KCNIP4: variants seen among roughly 807,000 people sequenced by gnomAD.
KCNIP4 encodes Kv channel-interacting protein 4.
Under a neutral mutation model 34.0 loss-of-function variants are expected in KCNIP4, and 12 were observed. That is an observed-to-expected ratio of 0.35 (90% CI 0.23 to 0.57). The LOEUF is 0.57. KCNIP4 is among the 20% of genes least tolerant of loss of function. The pLI, the probability that KCNIP4 is intolerant of heterozygous loss-of-function variation, is 0.83. For synonymous variants in KCNIP4, 124 were observed against 102.2 expected (o/e 1.21, Z -1.29); for missense variants, 238 against 311.7 (o/e 0.76, Z 1.78).
At chr4:20,769,662 G>T (rs1369820202) in intron 3 of KCNIP4, among the ~76,000 whole-genome samples, 1 of 152,148 alleles carries the variant, frequency 6.6e-6, no homozygotes, top group Non-Finnish European at 1.5e-5. Flanking sequence ...GTCTGACATG[G>T]CTTAGCTGTG....
At chr4:21,227,566 A>G (rs993294954) in intron 1 of KCNIP4, among the ~76,000 whole-genome samples, 1 of 152,086 alleles carries the variant, frequency 6.6e-6, no homozygotes, top group Non-Finnish European at 1.5e-5. Flanking sequence ...AATGAGGATT[A>G]CCTCTTGCTG....
chr4:21,051,996 T>C (rs1742975345), intron 1 of KCNIP4, among the ~76,000 whole-genome samples: 1 of 152,190 alleles, frequency 6.6e-6, no homozygotes, highest in Non-Finnish European at 1.5e-5. Flanking sequence ...GTCTTAGATA[T>C]TTCATAAAAT....
chr4:21,308,679 G>C (rs1385072825), intron 1 of KCNIP4, among the ~76,000 whole-genome samples: 1 of 151,520 alleles, frequency 6.6e-6, no homozygotes, highest in Admixed American at 6.6e-5. Context: ...ATTAATGTTA[G>C]ATACAAGAAA....
chr4:21,433,881 C>T (rs570921635), intron 1 of KCNIP4, among the ~76,000 whole-genome samples: 7 of 152,126 alleles, frequency 4.6e-5, no homozygotes, highest in Non-Finnish European at 7.3e-5. Context: ...ATAAATAATA[C>T]AAGACAAATA....
Position 20,734,755 on chromosome 4 carries a change from C to G in KCNIP4, c.430-20G>C. The stretch of plus-strand genomic sequence containing the variant: ...GAAATCCTGAAAAGAAATAAAAATT[C>G]AATTTTATATGACATTTTTAAAAAA... On this transcript the variant is annotated intron_variant, in intron 5 of 8. Coordinates refer to ENST00000382152, the MANE Select transcript of KCNIP4 (RefSeq NM_025221.6). 1.4e-6 allele frequency: 2 copies of G among 1,379,708 alleles called. No individual in the cohort carries two copies. Among genetic ancestry groups the G allele is most frequent in the Non-Finnish European group, 2.0e-6 (2 of 997,610 alleles). 85.5% of individuals were successfully genotyped at this position (1,379,708 alleles called of 1,614,324 possible). A position where few individuals can be genotyped will look rare whatever the true frequency, so the allele number is the denominator to read the frequency against.
At chr4:21,328,445 G>T (rs1715303427) in intron 1 of KCNIP4, among the ~76,000 whole-genome samples, 1 of 152,100 alleles carries the variant, frequency 6.6e-6, no homozygotes, top group African/African-American at 2.4e-5. Context: ...GTGTGCTGAG[G>T]TGCCTGGAGC....
At chr4:21,571,232 G>T (rs970013270) in intron 1 of KCNIP4, among the ~76,000 whole-genome samples, 1 of 152,118 alleles carries the variant, frequency 6.6e-6, no homozygotes, top group African/African-American at 2.4e-5. Flanking sequence ...ATGGTGATGA[G>T]AATTATGGTA....
intron 1 of KCNIP4, among the ~76,000 whole-genome samples, chr4:21,446,044 C>T (rs1233115878): frequency 6.6e-6 from 1 of 152,192 alleles, no homozygotes; most frequent in African/African-American, 2.4e-5. Context: ...CACTGGTCAT[C>T]AGAGAAATGC....
chr4:21,765,494 G>A (rs911896460), intron 1 of KCNIP4, among the ~76,000 whole-genome samples: 1 of 151,952 alleles, frequency 6.6e-6, no homozygotes, highest in South Asian at 2.1e-4. Flanking sequence ...GGGAAAAGTG[G>A]TCAATTTCTG....
At chr4:21,100,243 T>C (rs1747817193) in intron 1 of KCNIP4, among the ~76,000 whole-genome samples, 1 of 152,120 alleles carries the variant, frequency 6.6e-6, no homozygotes, top group Non-Finnish European at 1.5e-5. Flanking sequence ...AATTTCACTG[T>C]GGTTTTAAGA....
chr4:21,738,597 T>C (rs1179589046), intron 1 of KCNIP4, among the ~76,000 whole-genome samples: 1 of 152,226 alleles, frequency 6.6e-6, no homozygotes, highest in East Asian at 1.9e-4. Flanking sequence ...ACATGTGTCC[T>C]GCTTTTCACA....
At chr4:21,662,778 G>A (rs1274709773) in intron 1 of KCNIP4, among the ~76,000 whole-genome samples, 1 of 152,088 alleles carries the variant, frequency 6.6e-6, no homozygotes, top group Non-Finnish European at 1.5e-5. Context: ...CATAAATATT[G>A]TTTTATCAGG....
chr4:21,512,718 G>A (rs1052147993), intron 1 of KCNIP4, among the ~76,000 whole-genome samples: 35 of 152,148 alleles, frequency 2.3e-4, no homozygotes, highest in Admixed American at 2.0e-3. Context: ...TATGTTTGCT[G>A]TAAGATATGC....
At chr4:21,760,679 A>G (rs1717989140) in intron 1 of KCNIP4, among the ~76,000 whole-genome samples, 1 of 152,140 alleles carries the variant, frequency 6.6e-6, no homozygotes, top group African/African-American at 2.4e-5. Context: ...TCAATTACAG[A>G]GGATTAGAAA....
intron 1 of KCNIP4, among the ~76,000 whole-genome samples, chr4:21,786,369 G>C (rs1170222308): frequency 6.6e-6 from 1 of 152,146 alleles, no homozygotes; most frequent in Non-Finnish European, 1.5e-5. Flanking sequence ...ATTCCCACCA[G>C]CAGTGTAGGA....
chr4:21,723,745 A>G (rs1488727807), intron 1 of KCNIP4, among the ~76,000 whole-genome samples: 1 of 152,096 alleles, frequency 6.6e-6, no homozygotes, highest in African/African-American at 2.4e-5. Flanking sequence ...GATCAACTCA[A>G]AAAGGAGAAA....
Position 20,955,544 on chromosome 4 carries a change from C to T in KCNIP4, c.62-72835G>A, listed in dbSNP as rs191757088. On this transcript the variant is annotated intron_variant, in intron 1 of 8. Coordinates refer to ENST00000382152, the MANE Select transcript of KCNIP4 (RefSeq NM_025221.6). ...GTTCTGATTGATGGTGGGGCCACTTCTATCTTGAGCACTCTTTCAACTTGA... is the reference window on the plus strand; with the variant it reads ...GTTCTGATTGATGGTGGGGCCACTTTTATCTTGAGCACTCTTTCAACTTGA... Among the ~76,000 whole-genome samples, 324 of 152,208 alleles carry T rather than the reference C, an allele frequency of 2.1e-3. 3 individuals are homozygous for T. The highest frequency in any genetic ancestry group is 5.4e-3 in the African/African-American group (226 of 41,546).
chr4:21,504,200 G>A (rs1269556374), intron 1 of KCNIP4, among the ~76,000 whole-genome samples: 1 of 152,074 alleles, frequency 6.6e-6, no homozygotes, highest in Non-Finnish European at 1.5e-5. Flanking sequence ...AGGTGCAGTG[G>A]CTCATGCCTG....
At chr4:21,627,903 T>C (rs1305807496) in intron 1 of KCNIP4, among the ~76,000 whole-genome samples, 3 of 152,146 alleles carry the variant, frequency 2.0e-5, no homozygotes, top group African/African-American at 7.2e-5. Flanking sequence ...TAAATGATTC[T>C]TGGGAGGAAA....
Sources: gnomAD v4.1 joint callset for allele counts (sites outside exome capture counted in the v4.1 genomes callset) on GRCh38, gnomAD v4.1.1 for gene constraint, MANE v1.5 for transcripts, NCBI Gene and HGNC (gene_info 2026-07-23, HGNC 2026-07-21) for gene names.